The following UGGT2 variants were observed in gnomAD, a reference collection of about 807,000 sequenced individuals.
The protein encoded by UGGT2 is UDP-glucose glycoprotein glucosyltransferase 2, also known as UDP-glucose:glycoprotein glucosyltransferase 2.
In UGGT2, 180 loss-of-function variants were observed where a neutral mutation model predicts 192.1. That is an observed-to-expected ratio of 0.94 (90% CI 0.83 to 1.06). The LOEUF (loss-of-function observed/expected upper bound fraction) is 1.06. UGGT2 is among the 50% of genes least tolerant of loss of function. The pLI is 0.00. For synonymous variants in UGGT2, 580 were observed against 591.0 expected (o/e 0.98, Z 0.27); for missense variants, 1,849 against 1,795.7 (o/e 1.03, Z -0.54).
At chr13:96,034,957 G>A (rs1007426897) in intron 1 of UGGT2, among the ~76,000 whole-genome samples, 3 of 152,202 alleles carry the variant, frequency 2.0e-5, no homozygotes, top group Non-Finnish European at 4.4e-5. Flanking sequence ...CAGCAGGCCC[G>A]AGCAAAACTA....
intron 31 of UGGT2, among the ~76,000 whole-genome samples, chr13:95,861,902 C>T (rs1306278878): frequency 6.6e-6 from 1 of 152,076 alleles, no homozygotes; most frequent in African/African-American, 2.4e-5. Flanking sequence ...GAGCAGTTAA[C>T]GTCCCAAAAA....
chr13:96,024,443 A>C lies in UGGT2; in HGVS notation c.242-684T>G, dbSNP rs1489948180. On this transcript the variant is annotated intron_variant, in intron 2 of 38. Coordinates refer to ENST00000376747, the MANE Select transcript of UGGT2 (RefSeq NM_020121.4). ...GGCAGAAAAGTGCAGCCTAGAGCTG[A>C]AGAAGACCTGGTGGCACTAACGGGG... is the stretch of plus-strand genomic sequence containing the variant. Among the ~76,000 whole-genome samples the C allele has an allele frequency of 2.0e-5, 3 of 152,210 alleles. No homozygotes were observed. The East Asian group carries it at 5.8e-4, about 29-fold the overall frequency.
At chr13:95,973,951 T>C (rs892811457) in intron 10 of UGGT2, among the ~76,000 whole-genome samples, 9 of 152,166 alleles carry the variant, frequency 5.9e-5, no homozygotes, top group African/African-American at 1.9e-4. Context: ...TAGGCAAATA[T>C]ATTTAGGAGG....
intron 12 of UGGT2, among the ~76,000 whole-genome samples, chr13:95,951,521 A>G (rs926928640): frequency 6.6e-6 from 1 of 152,330 alleles, no homozygotes. Flanking sequence ...TTCCCAATGG[A>G]GCTCAGAATC....
In UGGT2 at chr13:95,859,580, T is replaced by A; in HGVS notation, c.3825+11A>T. ...ACATTAACCATTCTACAAAAAAAGC[T>A]ATGTACTTACTTTAAATGTCGGTGA... is the stretch of plus-strand genomic sequence containing the variant. On this transcript the variant is annotated intron_variant, in intron 33 of 38. Coordinates refer to ENST00000376747, the MANE Select transcript of UGGT2 (RefSeq NM_020121.4). The A allele has an allele frequency of 6.3e-7, 1 of 1,597,574 alleles. No individual in the cohort carries two copies.
chr13:95,821,365 TG>T (rs1885493680), intron 38 of UGGT2, among the ~76,000 whole-genome samples: 2 of 152,194 alleles, frequency 1.3e-5, no homozygotes, highest in Admixed American at 1.3e-4. Context: ...TTTTCATGTT[TG>T]TTGGCCATTT....
intron 36 of UGGT2, among the ~76,000 whole-genome samples, chr13:95,839,669 G>A (rs769195981): frequency 6.6e-5 from 10 of 152,208 alleles, no homozygotes; most frequent in Non-Finnish European, 1.2e-4. Context: ...TGGAACTGCT[G>A]GGTCATATGT....
intron 20 of UGGT2, among the ~76,000 whole-genome samples, chr13:95,907,393 G>A (rs1422007688): frequency 1.3e-5 from 2 of 152,202 alleles, no homozygotes; most frequent in Non-Finnish European, 2.9e-5. Flanking sequence ...TGACAGCTCT[G>A]AAGAGAGCAA....
intron 4 of UGGT2, among the ~76,000 whole-genome samples, chr13:96,014,366 A>C (rs2064352038): frequency 6.6e-6 from 1 of 152,212 alleles, no homozygotes; most frequent in Admixed American, 6.5e-5. Context: ...CACGTTAGTG[A>C]AAAGAAGGTG....
chr13:95,861,325 C>T (rs1225189560), intron 31 of UGGT2, among the ~76,000 whole-genome samples: 1 of 152,050 alleles, frequency 6.6e-6, no homozygotes. Flanking sequence ...GGGGCTCATC[C>T]AGGCTAAAAT....
At chr13:95,985,429 C>A in intron 9 of UGGT2, 2 of 327,112 alleles carry the variant, frequency 6.1e-6, no homozygotes, top group South Asian at 3.4e-5. Context: ...TATTTACTTT[C>A]AAAATTAAAG....
rs766427953 is a variant in UGGT2, at chr13:95,833,096, T to C, written c.4402-43A>G. 3.0e-5 allele frequency: 48 copies of C among 1,598,298 alleles called. No homozygotes were observed. The South Asian group carries it at 5.0e-4, about 17-fold the overall frequency. On this transcript the variant is annotated intron_variant, in intron 37 of 38. Coordinates refer to ENST00000376747, the MANE Select transcript of UGGT2 (RefSeq NM_020121.4). ...TTTTGTTAATGAAAGACCATGCTCC[T>C]GGAAACATAAGGACAATGCTGTGTC...
intron 10 of UGGT2, among the ~76,000 whole-genome samples, chr13:95,978,564 C>T (rs1002973326): frequency 1.7e-4 from 26 of 152,218 alleles, no homozygotes; most frequent in Admixed American, 1.6e-3. Context: ...CTTTGGTTGC[C>T]TGTGCTTTTC....
At chr13:95,828,450 A>T (rs1034449729) in intron 38 of UGGT2, among the ~76,000 whole-genome samples, 2 of 152,182 alleles carry the variant, frequency 1.3e-5, no homozygotes, top group Non-Finnish European at 2.9e-5. Context: ...AGGAGAGAAG[A>T]ATCAAATAGA....
chr13:95,864,209 T>C (rs572862604), intron 30 of UGGT2, among the ~76,000 whole-genome samples: 5 of 152,300 alleles, frequency 3.3e-5, no homozygotes, highest in South Asian at 2.1e-4. Flanking sequence ...GTTTCTCTTG[T>C]ATAATCTGTT....
chr13:95,803,633 A>G (rs1884169445), intron 38 of UGGT2, among the ~76,000 whole-genome samples: 1 of 152,166 alleles, frequency 6.6e-6, no homozygotes, highest in African/African-American at 2.4e-5. Flanking sequence ...GGTGGTGTAC[A>G]GGATGGGCTT....
intron 38 of UGGT2, among the ~76,000 whole-genome samples, chr13:95,815,072 T>C (rs1884759674): frequency 6.6e-6 from 1 of 152,152 alleles, no homozygotes; most frequent in Non-Finnish European, 1.5e-5. Context: ...AAGGAAACTT[T>C]TACAGCCTGA....
intron 38 of UGGT2, among the ~76,000 whole-genome samples, chr13:95,815,142 C>G (rs1884763430): frequency 6.6e-6 from 1 of 152,178 alleles, no homozygotes; most frequent in African/African-American, 2.4e-5. Flanking sequence ...AAACTAAATG[C>G]CTTCTCACTA....
At chr13:95,833,560 G>T (rs900739279) in intron 37 of UGGT2, among the ~76,000 whole-genome samples, 12 of 152,084 alleles carry the variant, frequency 7.9e-5, no homozygotes, top group African/African-American at 2.7e-4. Context: ...AATCTCTAAG[G>T]TTCCATCAAT....
Sources: allele counts gnomAD v4.1 joint callset (sites outside exome capture counted in the v4.1 genomes callset), GRCh38; gene constraint gnomAD v4.1.1; transcripts MANE v1.5; gene names NCBI Gene and HGNC (gene_info 2026-07-23, HGNC 2026-07-21).